Variants in SCEL observed in about 807,000 individuals in gnomAD.
SCEL encodes the protein sciellin.
SCEL carries 113 observed loss-of-function variants against 117.6 expected under a neutral mutation model. The observed-to-expected ratio is 0.96, with a 90% confidence interval of 0.83 to 1.12. SCEL has a LOEUF of 1.12. Among genes scored for constraint, SCEL ranks in the 50% most tolerant of loss-of-function variants. SCEL has a pLI of 0.00. For synonymous variants in SCEL, 270 were observed against 256.2 expected (o/e 1.05, Z -0.51); for missense variants, 785 against 810.8 (o/e 0.97, Z 0.39).
chr13:77,574,407 T>G (rs183882608), intron 9 of SCEL, among the ~76,000 whole-genome samples: 26 of 152,250 alleles, frequency 1.7e-4, no homozygotes, highest in African/African-American at 6.3e-4. Flanking sequence ...TAGGCTAGGT[T>G]GATCAGTTTA....
At chr13:77,540,609 T>C (rs990135021) in intron 1 of SCEL, among the ~76,000 whole-genome samples, 1 of 151,628 alleles carries the variant, frequency 6.6e-6, no homozygotes, top group African/African-American at 2.4e-5. Flanking sequence ...GGAAGAAGAG[T>C]GTTTCAGGCA....
At chr13:77,624,512 C>T (rs775041208) in intron 27 of SCEL, among the ~76,000 whole-genome samples, 7 of 152,122 alleles carry the variant, frequency 4.6e-5, no homozygotes, top group Non-Finnish European at 8.8e-5. Flanking sequence ...CCTCTGAGGA[C>T]GCTTATCTCT....
chr13:77,563,521 T>C (rs1208333438), intron 4 of SCEL, among the ~76,000 whole-genome samples: 2 of 152,170 alleles, frequency 1.3e-5, no homozygotes, highest in African/African-American at 4.8e-5. Flanking sequence ...TATTAAACAT[T>C]TTGAGTGTTG....
chr13:77,584,891 T>C (rs1246043256), intron 9 of SCEL, among the ~76,000 whole-genome samples: 1 of 152,150 alleles, frequency 6.6e-6, no homozygotes, highest in Middle Eastern at 3.2e-3. Context: ...ACAAACAAAA[T>C]ACTGTAGAAT....
Position 77,621,158 on chromosome 13 carries a change from C to T in SCEL, c.1628+3098C>T, listed in dbSNP as rs563433968. On this transcript the variant is annotated intron_variant, in intron 27 of 32. Coordinates refer to ENST00000349847, the MANE Select transcript of SCEL (RefSeq NM_144777.3). ...CCCCTTCTGCCCTTCAATCCATTCG[C>T]CACCCTGTAGAGTGATTTTCCCAAG... Among the ~76,000 whole-genome samples, 23 of 152,236 alleles carry T rather than the reference C, an allele frequency of 1.5e-4. 1 individual carries two copies. The South Asian group carries it at 4.6e-3, about 30-fold the overall frequency.
chr13:77,560,522 A>G (rs181303277), intron 4 of SCEL, among the ~76,000 whole-genome samples: 1 of 152,300 alleles, frequency 6.6e-6, no homozygotes, highest in East Asian at 1.9e-4. Flanking sequence ...CAGAAATAAC[A>G]ACTACAGAGT....
chr13:77,569,541 C>T, intron 8 of SCEL, 90 bp downstream of exon 8: 1 of 903,550 alleles, frequency 1.1e-6, no homozygotes, highest in South Asian at 1.6e-5. Flanking sequence ...GGGGATCCAG[C>T]ATCTACATTC....
chr13:77,642,165 A>G (rs949466573), intron 31 of SCEL, among the ~76,000 whole-genome samples: 3 of 152,164 alleles, frequency 2.0e-5, no homozygotes, highest in Admixed American at 6.6e-5. Context: ...TCTTAGAAAA[A>G]TACTGATTGT....
chr13:77,553,282 T>G (rs956535486), intron 1 of SCEL, among the ~76,000 whole-genome samples: 13 of 152,116 alleles, frequency 8.5e-5, no homozygotes, highest in African/African-American at 2.9e-4. Flanking sequence ...AGCAGATAAT[T>G]GTAAAATACT....
chr13:77,581,807 G>C (rs1351881245), intron 9 of SCEL, among the ~76,000 whole-genome samples: 1 of 152,140 alleles, frequency 6.6e-6, no homozygotes, highest in African/African-American at 2.4e-5. Flanking sequence ...GACTGTCTCT[G>C]GTCATTCAAA....
Position 77,612,954 on chromosome 13 carries a change from A to G in SCEL, c.1388+13A>G. The G allele has an allele frequency of 6.7e-7, 1 of 1,490,090 alleles. No individual in the cohort carries two copies. Among genetic ancestry groups the G allele is most frequent in the South Asian group, 1.3e-5 (1 of 79,694 alleles). The allele number at this position is 1,490,090 out of a possible 1,614,324, so 92.3% of individuals were successfully genotyped here. On this transcript the variant is annotated intron_variant, in intron 23 of 32. Coordinates refer to ENST00000349847, the MANE Select transcript of SCEL (RefSeq NM_144777.3). ...CAGCAAACAAAAGGTAAACTTATTA[A>G]GATAATTGAAGACTTCTTAGCAAGT...
chr13:77,537,584 C>A (rs2083473384), intron 1 of SCEL, among the ~76,000 whole-genome samples: 1 of 152,134 alleles, frequency 6.6e-6, no homozygotes, highest in Admixed American at 6.5e-5. Flanking sequence ...AGATTTTCAT[C>A]TCAGGAGCCA....
Position 77,602,050 on chromosome 13 carries a change from C to G in SCEL, c.918-15C>G. 1 of 1,598,346 alleles carries G rather than the reference C, an allele frequency of 6.3e-7. No individual in the cohort carries two copies. The highest frequency in any genetic ancestry group is 8.5e-7 in the Non-Finnish European group (1 of 1,174,202). ...CACTCTCTCTTTCTCTTTCTTTTCC[C>G]CCAATGTTGTAAAGAATCCAAAGCC... On this transcript the variant is annotated splice_polypyrimidine_tract_variant and intron_variant, in intron 15 of 32. Transcript: ENST00000349847.
At chr13:77,580,434 G>A (rs2086203063) in intron 9 of SCEL, among the ~76,000 whole-genome samples, 1 of 152,184 alleles carries the variant, frequency 6.6e-6, no homozygotes, top group African/African-American at 2.4e-5. Context: ...GGAGCCATCT[G>A]GAGAAATATT....
At chr13:77,555,976 C>T (rs1325033533) in intron 2 of SCEL, 58 bp downstream of exon 2, 1 of 1,280,530 alleles carries the variant, frequency 7.8e-7, no homozygotes, top group East Asian at 2.3e-5. Context: ...AAAAACAACT[C>T]ACAGATCTCA....
chr13:77,558,788 A>T (rs2084804279), intron 3 of SCEL, among the ~76,000 whole-genome samples: 1 of 142,968 alleles, frequency 7.0e-6, no homozygotes, highest in Admixed American at 7.6e-5. Context: ...ACTGCACTCC[A>T]GCCTGGGCGA....
chr13:77,571,923 G>A (rs1241523189), intron 8 of SCEL, among the ~76,000 whole-genome samples: 1 of 152,152 alleles, frequency 6.6e-6, no homozygotes, highest in Admixed American at 6.5e-5. Flanking sequence ...TAAAGGAAAT[G>A]AGAAAAGAGG....
chr13:77,610,605 A>G (rs971282780), intron 22 of SCEL, among the ~76,000 whole-genome samples: 11 of 152,224 alleles, frequency 7.2e-5, no homozygotes, highest in Non-Finnish European at 1.2e-4. Flanking sequence ...GAAAGACAGG[A>G]ATGATCTCTT....
chr13:77,587,820 C>T (rs1263999757), intron 9 of SCEL, among the ~76,000 whole-genome samples: 1 of 152,088 alleles, frequency 6.6e-6, no homozygotes, highest in Non-Finnish European at 1.5e-5. Context: ...AGGTCCAACC[C>T]CTGGCCCTCT....
Sources: allele counts gnomAD v4.1 joint callset (sites outside exome capture counted in the v4.1 genomes callset), GRCh38; gene constraint gnomAD v4.1.1; transcripts MANE v1.5; gene names NCBI Gene and HGNC (gene_info 2026-07-23, HGNC 2026-07-21).